COPS8: variants seen among roughly 807,000 people sequenced by gnomAD.
COPS8 encodes the protein COP9 signalosome complex subunit 8.
In COPS8, 11 loss-of-function variants were observed where a neutral mutation model predicts 31.5. That is an observed-to-expected ratio of 0.35 (90% CI 0.22 to 0.58). The LOEUF (loss-of-function observed/expected upper bound fraction) is 0.58, where lower values mean the gene tolerates loss of function less well. COPS8 is among the 20% of genes least tolerant of loss of function. COPS8 has a pLI of 0.83. For synonymous variants in COPS8, 81 were observed against 89.3 expected (o/e 0.91, Z 0.52); for missense variants, 215 against 255.1 (o/e 0.84, Z 1.07).
rs989476497 is a variant in COPS8 at position 237,096,939 on chromosome 2, A to G, written c.550+70A>G. The G allele has an allele frequency of 3.0e-5, 32 of 1,054,730 alleles. No individual in the cohort carries two copies. The African/African-American group carries it at 4.2e-4, about 14-fold the overall frequency. 65.3% of individuals were successfully genotyped at this position (1,054,730 alleles called of 1,614,324 possible). On this transcript the variant is annotated intron_variant, in intron 7 of 7. Transcript: ENST00000354371. ...AATTTCTTTTTTGTAGTATATATGT[A>G]TATGTGTGTGTGAGTGTGTGTATCT... is the stretch of plus-strand genomic sequence containing the variant.
intron 4 of COPS8, among the ~76,000 whole-genome samples, chr2:237,090,202 TTTC>T (rs1696681908): frequency 6.6e-6 from 1 of 152,218 alleles, no homozygotes; most frequent in Non-Finnish European, 1.5e-5. Flanking sequence ...GCTTTTGTTG[TTTC>T]TTAATTCTAG....
rs889971879 is a variant in COPS8, at chr2:237,100,032, G to A, written c.*2290G>A. 1 of 152,148 alleles carries A rather than the reference G, an allele frequency of 6.6e-6. No homozygotes were observed. The highest frequency in any genetic ancestry group is 1.5e-5 in the Non-Finnish European group (1 of 68,024). The allele number at this position is 152,148 out of a possible 1,614,324, so 9.4% of individuals were successfully genotyped here. On this transcript the variant is annotated 3_prime_UTR_variant, in exon 8 of 8. Transcript: ENST00000354371. ...ACTTCCCTTTATTATCAGTTCTCAG[G>A]ACAAATTGATATGCTGCCAATCTCT...
In COPS8 at chr2:237,090,000, GT is replaced by G; in HGVS notation, c.331+9del. On this transcript the variant is annotated splice_region_variant and intron_variant, in intron 4 of 7. Transcript: ENST00000354371. Reference sequence around the variant, plus strand: ...AATTATGGAAGCACTTAGAGGTAGTGTTTCTTTGTGGTTAAAAATGAAATTA... The same window carrying G: ...AATTATGGAAGCACTTAGAGGTAGTGTTCTTTGTGGTTAAAAATGAAATTA... 1 of 1,612,734 alleles carries G rather than the reference GT, an allele frequency of 6.2e-7. No individual in the cohort carries two copies. The highest frequency in any genetic ancestry group is 8.5e-7 in the Non-Finnish European group (1 of 1,179,466).
chr2:237,093,959 G>A lies in COPS8; in HGVS notation c.332-131G>A, dbSNP rs569416729. ...TGGGCATATGTATTTGTATCTATAA[G>A]CACAGAAATCTTTGGGTTCATCTGG... On this transcript the variant is annotated intron_variant, in intron 4 of 7. Coordinates refer to ENST00000354371, the MANE Select transcript of COPS8 (RefSeq NM_006710.5). The A allele has an allele frequency of 3.5e-6, 5 of 1,436,634 alleles. No homozygotes were observed. In the South Asian group the frequency reaches 8.0e-5, roughly 23 times the overall value. The allele number at this position is 1,436,634 out of a possible 1,614,324, so 89.0% of individuals were successfully genotyped here.
chr2:237,090,059 G>T, intron 4 of COPS8, 65 bp downstream of exon 4: 1 of 1,524,424 alleles, frequency 6.6e-7, no homozygotes, highest in Non-Finnish European at 9.0e-7. Context: ...CTGCAGTGTT[G>T]AAGTAATAAA....
At position 237,093,445 on chromosome 2, in the gene COPS8, A is replaced by G. The variant is rs183888501; in HGVS notation, c.332-645A>G. On this transcript the variant is annotated intron_variant, in intron 4 of 7. Coordinates refer to ENST00000354371, the MANE Select transcript of COPS8 (RefSeq NM_006710.5). ...AGCTGGTTTCACAGTGCTCAACTCT[A>G]CCGTACTCCTGAGTTTATTTAATTG... Among the ~76,000 whole-genome samples the G allele has an allele frequency of 4.6e-5, 7 of 152,260 alleles. No homozygotes were observed. The East Asian group carries it at 9.7e-4, about 21-fold the overall frequency.
In COPS8 at chr2:237,086,042, G is replaced by A. The variant is rs1041057514; in HGVS notation, c.78G>A (p.Glu26=). ...ATCAGTGCGAGAACCAGGAGCTCGA[G>A]GTAACCCTTTGCGTCGCGCTGGGAG... The part of the protein sequence containing the change: ...LLDQCENQEL[E]APGGIATPPV... Residue 26 remains glutamate (E), a splice_region_variant and synonymous_variant, in exon 1 of 8, where the codon GAG becomes GAA. Transcript: ENST00000354371. 1 of 1,613,162 alleles carries A rather than the reference G, an allele frequency of 6.2e-7. No individual in the cohort carries two copies. Among genetic ancestry groups the A allele is most frequent in the Non-Finnish European group, 8.5e-7 (1 of 1,179,360 alleles).
chr2:237,097,554 A>G (rs1020490443), intron 7 of COPS8, 109 bp from the exon 8 acceptor site: 2 of 707,504 alleles, frequency 2.8e-6, no homozygotes, highest in African/African-American at 3.6e-5. Flanking sequence ...AATCTAAGAA[A>G]GTTAACTTAC....
In COPS8 at chr2:237,085,991, C is replaced by T. The variant is rs772646749; in HGVS notation, c.27C>T (p.Ser9=). 2 of 1,613,056 alleles carry T rather than the reference C, an allele frequency of 1.2e-6. No individual in the cohort carries two copies. Among genetic ancestry groups the T allele is most frequent in the South Asian group, 1.1e-5 (1 of 90,920 alleles). MPVAVMAE[S]AFSFKKLLDQ... is the part of the protein sequence containing the mutation. The stretch of plus-strand genomic sequence containing the variant: ...TGCCAGTGGCGGTGATGGCGGAAAG[C>T]GCCTTTAGTTTCAAAAAGTTGCTGG... Residue 9 remains serine, a synonymous_variant, in exon 1 of 8, where the codon AGC becomes AGT. Transcript: ENST00000354371.
At chr2:237,096,796 GC>G in intron 6 of COPS8, 25 bp from the exon 7 acceptor site, 1 of 1,587,644 alleles carries the variant, frequency 6.3e-7, no homozygotes, top group Non-Finnish European at 8.6e-7. Context: ...TGTAAATTGA[GC>G]TGTACATTTT....
intron 7 of COPS8, 52 bp from the exon 8 acceptor site, chr2:237,097,611 C>T: frequency 7.4e-7 from 1 of 1,346,938 alleles, no homozygotes; most frequent in Non-Finnish European, 1.1e-6. Flanking sequence ...GGGGCCAAAG[C>T]TTTGTTACTG....
chr2:237,093,113 G>C (rs1696735903), intron 4 of COPS8, among the ~76,000 whole-genome samples: 1 of 152,170 alleles, frequency 6.6e-6, no homozygotes, highest in Non-Finnish European at 1.5e-5. Flanking sequence ...GAATGGTAGA[G>C]AGCAGACAGG....
Position 237,094,107 on chromosome 2 carries a change from G to A in COPS8, c.349G>A (p.Ala117Thr), listed in dbSNP as rs752671265. The change falls in exon 5 of 8, where the codon GCC (alanine) becomes ACC (threonine). Residue 117 changes from alanine to threonine, a missense_variant. Transcript: ENST00000354371. ...CACAATAGATGCAACAAGGAGACGC[G>A]CCTTTGCCCTGGTCTCTCAAGCGTA... ...EALRDATRRR[A>T]FALVSQAYTS... 1.2e-5 allele frequency: 20 copies of A among 1,613,192 alleles called. No individual in the cohort carries two copies. Among genetic ancestry groups the A allele is most frequent in the South Asian group, 4.4e-5 (4 of 90,898 alleles).
intron 3 of COPS8, among the ~76,000 whole-genome samples, 183 bp from the exon 4 acceptor site, chr2:237,089,679 T>C (rs1031879607): frequency 2.6e-5 from 4 of 152,236 alleles, no homozygotes; most frequent in African/African-American, 9.6e-5. Context: ...CTCATAGTGT[T>C]TAAAAACCTT....
chr2:237,096,862 C>A lies in COPS8; in HGVS notation c.543C>A (p.Pro181=). 1.2e-6 allele frequency: 2 copies of A among 1,607,804 alleles called. No individual in the cohort carries two copies. Among genetic ancestry groups the A allele is most frequent in the Non-Finnish European group, 1.7e-6 (2 of 1,176,362 alleles). Residue 181 remains proline, a synonymous_variant, in exon 7 of 8, where the codon CCC becomes CCA. Transcript: ENST00000354371. ...ATGTTTCCTTTAACAAGTTTATTCC[C>A]TTATCAGGTATGTATTTTCATATGC... ...ALDVSFNKFI[P]LSEPAPVPPI...
At chr2:237,087,803 G>A (rs1246450027) in intron 2 of COPS8, among the ~76,000 whole-genome samples, 3 of 152,068 alleles carry the variant, frequency 2.0e-5, no homozygotes, top group African/African-American at 4.8e-5. Context: ...ATGGTTGCGT[G>A]TGCCTCTAAT....
chr2:237,086,268 C>T (rs946066289), intron 1 of COPS8, among the ~76,000 whole-genome samples: 12 of 152,090 alleles, frequency 7.9e-5, no homozygotes, highest in Non-Finnish European at 1.2e-4. Flanking sequence ...GCTTGTGAGC[C>T]CGAAAACCCT....
At chr2:237,094,992 C>T (rs1696773463) in intron 5 of COPS8, among the ~76,000 whole-genome samples, 1 of 151,970 alleles carries the variant, frequency 6.6e-6, no homozygotes, top group Non-Finnish European at 1.5e-5. Flanking sequence ...ATCGTATACA[C>T]CTTGTTGCAT....
At chr2:237,091,931 G>A (rs1696711939) in intron 4 of COPS8, among the ~76,000 whole-genome samples, 1 of 152,198 alleles carries the variant, frequency 6.6e-6, no homozygotes, top group African/African-American at 2.4e-5. Flanking sequence ...CAAAGCAAGA[G>A]AGCTCAGGTG....
Sources: gnomAD v4.1 joint callset for allele counts (sites outside exome capture counted in the v4.1 genomes callset) on GRCh38, gnomAD v4.1.1 for gene constraint, MANE v1.5 for transcripts, NCBI Gene and HGNC (gene_info 2026-07-23, HGNC 2026-07-21) for gene names.